Variants in PCDHA7 observed in about 807,000 individuals in gnomAD.
PCDHA7 encodes the protein protocadherin alpha 7, also known as protocadherin alpha-7.
PCDHA7 carries 37 observed loss-of-function variants against 57.2 expected under a neutral mutation model. The ratio of observed to expected loss-of-function variants is 0.65; its 90% confidence interval spans 0.50 to 0.85. The LOEUF is 0.85. PCDHA7 is among the 40% of genes least tolerant of loss of function. The probability of loss-of-function intolerance (pLI) is 0.00; values close to 1 mark genes in which losing one functional copy is unlikely to be tolerated. For synonymous variants in PCDHA7, 553 were observed against 558.8 expected (o/e 0.99, Z 0.15); for missense variants, 1,188 against 1,241.8 (o/e 0.96, Z 0.65).
At position 140,900,792 on chromosome 5, in the gene PCDHA7, C is replaced by T. The variant is rs373914544; in HGVS notation, c.2355+64054C>T. On this transcript the variant is annotated intron_variant, in intron 1 of 3. Transcript: ENST00000525929. ...CTTTTTGAGGAAACTCCAAACTGTT[C>T]TCCATAGTGCTTGTACTAATTTACA... 1.1e-4 allele frequency among the ~76,000 whole-genome samples: 16 copies of T among 152,298 alleles called. No individual in the cohort carries two copies. The South Asian group carries it at 1.5e-3, about 14-fold the overall frequency.
chr5:140,836,002 C>A lies in PCDHA7; in HGVS notation c.1619C>A (p.Ala540Glu), dbSNP rs1302809722. The A allele has an allele frequency of 8.7e-6, 14 of 1,613,124 alleles. No individual in the cohort carries two copies. Among genetic ancestry groups the A allele is most frequent in the South Asian group, 4.4e-5 (4 of 91,070 alleles). ...LLQFQVSARD[A>E]GVPPLGSNVT... ...CAGTTCCAGGTGAGCGCGCGCGATG[C>A]GGGCGTGCCGCCTCTGGGCAGCAAC... is the stretch of plus-strand genomic sequence containing the variant. The change falls in exon 1 of 4, where the codon GCG (alanine) becomes GAG (glutamate). Residue 540 changes from alanine to glutamate, a missense_variant. Ala to Glu is a moderately radical substitution (Grantham distance 107). This residue lies in a region of PCDHA7 where 892 missense variants were observed against 788.5 expected (regional missense o/e 1.13). Coordinates refer to ENST00000525929, the MANE Select transcript of PCDHA7 (RefSeq NM_018910.3).
chr5:140,884,512 G>T (rs782026771), intron 1 of PCDHA7: 1 of 1,614,202 alleles, frequency 6.2e-7, no homozygotes, highest in South Asian at 1.1e-5. Flanking sequence ...CAGGGAGTTG[G>T]TCGTACTCGC....
chr5:140,928,569 G>A (rs2085338493), intron 1 of PCDHA7: 2 of 1,614,202 alleles, frequency 1.2e-6, no homozygotes, highest in Non-Finnish European at 1.7e-6. Flanking sequence ...TGTTTCCCTT[G>A]CCCAGAAATG....
chr5:141,009,533 G>T (rs1410740655), intron 3 of PCDHA7, 94 bp from the exon 4 acceptor site: 1 of 1,509,328 alleles, frequency 6.6e-7, no homozygotes, highest in African/African-American at 1.4e-5. Context: ...GGGAGGTTCA[G>T]CCTGCCTATG....
chr5:140,841,816 C>G (rs2150323334), intron 1 of PCDHA7: 1 of 1,613,928 alleles, frequency 6.2e-7, no homozygotes, highest in East Asian at 2.2e-5. Flanking sequence ...TTGGAGCTAA[C>G]TCCGTGTTAA....
chr5:140,856,173 C>T (rs782775861), intron 1 of PCDHA7: 10 of 1,598,116 alleles, frequency 6.3e-6, no homozygotes, highest in African/African-American at 1.3e-5. Flanking sequence ...AGACACGGCA[C>T]CTTCGTGGGC....
Position 140,836,379 on chromosome 5 carries a change from C to G in PCDHA7, c.1996C>G (p.Leu666Val), listed in dbSNP as rs2150259226. The G allele has an allele frequency of 6.2e-7, 1 of 1,613,734 alleles. No individual in the cohort carries two copies. Among genetic ancestry groups the G allele is most frequent in the East Asian group, 2.2e-5 (1 of 44,862 alleles). Residue 666 changes from leucine to valine, a missense_variant, in exon 1 of 4, where the codon CTG (leucine) becomes GTG (valine). By Grantham distance (32) the Leu-to-Val change is conservative (BLOSUM62 1). This residue lies in a region of PCDHA7 where 892 missense variants were observed against 788.5 expected (regional missense o/e 1.13). Transcript: ENST00000525929. ...EPSLTATATV[L>V]VSLVESGQAP... ...CTCGCTGACAGCCACAGCCACCGTG[C>G]TGGTGTCGCTGGTGGAAAGCGGCCA...
At chr5:140,864,027 G>A (rs2048287135) in intron 1 of PCDHA7, 1 of 152,794 alleles carries the variant, frequency 6.5e-6, no homozygotes, top group Non-Finnish European at 1.5e-5. Flanking sequence ...TGGAAGTCTA[G>A]CCATCTTAAT....
Position 140,850,271 on chromosome 5 carries a change from G to T in PCDHA7, c.2355+13533G>T, listed in dbSNP as rs2150476864. 1.9e-6 allele frequency: 3 copies of T among 1,595,372 alleles called. No homozygotes were observed. The South Asian group carries it at 3.3e-5, about 18-fold the overall frequency. On this transcript the variant is annotated intron_variant, in intron 1 of 3. Coordinates refer to ENST00000525929, the MANE Select transcript of PCDHA7 (RefSeq NM_018910.3). ...CGGTGGGCGCCGGCGTAGTGGTGGG[G>T]AAGGTGCGCGCAGTGGACGCCGACT...
rs782722148 is a variant in PCDHA7, at chr5:140,857,308, T to A, written c.2355+20570T>A. 2 of 1,597,818 alleles carry A rather than the reference T, an allele frequency of 1.3e-6. 1 individual carries two copies. Among genetic ancestry groups the A allele is most frequent in the African/African-American group, 2.7e-5 (2 of 74,344 alleles). Reference sequence around the variant, plus strand: ...TGGACCGCGAGAGGGTGTCGGCCTATGAGCTGGTGGTGACCGCGCGGGACG... The same window carrying A: ...TGGACCGCGAGAGGGTGTCGGCCTAAGAGCTGGTGGTGACCGCGCGGGACG... On this transcript the variant is annotated intron_variant, in intron 1 of 3. Coordinates refer to ENST00000525929, the MANE Select transcript of PCDHA7 (RefSeq NM_018910.3).
intron 3 of PCDHA7, among the ~76,000 whole-genome samples, chr5:141,007,112 G>A (rs1554261059): frequency 6.6e-6 from 1 of 152,170 alleles, no homozygotes; most frequent in African/African-American, 2.4e-5. Flanking sequence ...ACCCAAGGAA[G>A]CTTCAACACA....
At chr5:140,908,530 T>G (rs1554193400) in intron 1 of PCDHA7, among the ~76,000 whole-genome samples, 1 of 152,148 alleles carries the variant, frequency 6.6e-6, no homozygotes, top group African/African-American at 2.4e-5. Flanking sequence ...AATGTTCAGT[T>G]TCCACCAAAG....
intron 1 of PCDHA7, among the ~76,000 whole-genome samples, chr5:140,951,337 G>C (rs1346350844): frequency 6.6e-6 from 1 of 151,970 alleles, no homozygotes; most frequent in Non-Finnish European, 1.5e-5. Context: ...CATTCTGTTT[G>C]TGTTAGTCCA....
intron 1 of PCDHA7, chr5:140,930,058 C>T (rs1186770970): frequency 6.6e-6 from 1 of 152,172 alleles, no homozygotes; most frequent in Non-Finnish European, 1.5e-5. Context: ...TTTGCTTACA[C>T]AAAAACTGTA....
In PCDHA7 at chr5:140,882,450, C is replaced by A. The variant is rs781827745; in HGVS notation, c.2355+45712C>A. On this transcript the variant is annotated intron_variant, in intron 1 of 3. Transcript: ENST00000525929. ...GGGCTGGAGCTGGCGGAGCTGGTGC[C>A]GCGCCTGTTCCGGGTGGCGTCCAAA... The A allele has an allele frequency of 1.7e-5, 28 of 1,613,872 alleles. No individual in the cohort carries two copies. In the East Asian group the frequency reaches 4.5e-4, roughly 26 times the overall value.
chr5:140,848,592 T>C, intron 1 of PCDHA7: 1 of 1,594,614 alleles, frequency 6.3e-7, no homozygotes, highest in Non-Finnish European at 8.6e-7. Context: ...CCAGCTCCAC[T>C]ACTCCGTCCC....
Position 140,843,293 on chromosome 5 carries a change from G to C in PCDHA7, c.2355+6555G>C. ...CCTGGTGAAGGATCATGGTGAACCT[G>C]CGCTGACCGCCACGGCCACGGTTCT... On this transcript the variant is annotated intron_variant, in intron 1 of 3. Transcript: ENST00000525929. 17 of 1,595,972 alleles carry C rather than the reference G, an allele frequency of 1.1e-5. 4 individuals are homozygous for C. The highest frequency in any genetic ancestry group is 1.5e-5 in the Non-Finnish European group (17 of 1,165,570).
rs782446287 is a variant in PCDHA7, at chr5:140,870,927, T to A, written c.2355+34189T>A. The A allele has an allele frequency of 1.9e-6, 3 of 1,613,762 alleles. No homozygotes were observed. The African/African-American group carries it at 4.0e-5, about 22-fold the overall frequency. ...CAGGCTACAACGCGTGGCTTTCATA[T>A]GAATTGCAGCCGGCGGCGGGCGGCT... is the stretch of plus-strand genomic sequence containing the variant. On this transcript the variant is annotated intron_variant, in intron 1 of 3. Transcript: ENST00000525929.
intron 1 of PCDHA7, among the ~76,000 whole-genome samples, chr5:140,977,624 T>C (rs139722248): frequency 6.6e-6 from 1 of 152,088 alleles, no homozygotes. Flanking sequence ...TATCCCAGAG[T>C]TGTAACTTTT....
Sources: gnomAD v4.1 joint callset for allele counts (sites outside exome capture counted in the v4.1 genomes callset) on GRCh38, gnomAD v4.1.1 for gene constraint, gnomAD v4.1.1 regional missense constraint, MANE v1.5 for transcripts, NCBI Gene and HGNC (gene_info 2026-07-23, HGNC 2026-07-21) for gene names.